SOX5: variants seen among roughly 807,000 people sequenced by gnomAD.
SOX5 encodes the protein SRY-box transcription factor 5.
Under a neutral mutation model 92.0 loss-of-function variants are expected in SOX5, and 9 were observed. The ratio of observed to expected loss-of-function variants is 0.10; its 90% CI spans 0.06 to 0.17. The LOEUF is 0.17. Ranked by LOEUF, SOX5 falls within the 10% of genes least tolerant of loss-of-function variation. SOX5 has a pLI of 1.00. For synonymous variants in SOX5, 344 were observed against 336.3 expected, an observed-to-expected ratio of 1.02 and a Z score of -0.25; for missense variants, 642 against 944.5, an observed-to-expected ratio of 0.68 and a Z score of 4.20.
rs75948834 is a variant in SOX5, at chr12:24,062,389, A to G, written c.-2+150954T>C. Among the ~76,000 whole-genome samples, 160 of 152,348 alleles carry G rather than the reference A, an allele frequency of 1.1e-3. 4 individuals carry two copies. In the East Asian group the frequency reaches 0.029, roughly 28 times the overall value. On this transcript the variant is annotated intron_variant, in intron 4 of 4. Transcript: ENST00000446891. ...TTTGTGTTAGAGAATGCTATGTGAT[A>G]TAAGGACAATGTAGTTGTTTGCCGA...
intron 1 of SOX5, among the ~76,000 whole-genome samples, chr12:24,488,048 C>A (rs1597230413): frequency 1.3e-5 from 2 of 151,934 alleles, no homozygotes; most frequent in South Asian, 2.1e-4. Flanking sequence ...TTCCCTGGAG[C>A]AAAATTAAAA....
intron 6 of SOX5, among the ~76,000 whole-genome samples, chr12:23,668,841 CAT>C (rs2084284771): frequency 6.6e-6 from 1 of 152,282 alleles, no homozygotes; most frequent in South Asian, 2.1e-4. Flanking sequence ...CAAGATACTA[CAT>C]AGTCTCTAAG....
chr12:24,518,621 G>A (rs1029174477), intron 1 of SOX5, among the ~76,000 whole-genome samples: 2 of 152,002 alleles, frequency 1.3e-5, no homozygotes, highest in African/African-American at 4.8e-5. Flanking sequence ...AAAGAAAGTT[G>A]TTATCATAAG....
intron 1 of SOX5, among the ~76,000 whole-genome samples, chr12:24,552,343 A>T (rs1391760431): frequency 6.6e-6 from 1 of 152,200 alleles, no homozygotes; most frequent in Non-Finnish European, 1.5e-5. Flanking sequence ...TAGATCAATG[A>T]ATTTTTTATC....
chr12:24,131,304 A>G (rs2138498627), intron 4 of SOX5, among the ~76,000 whole-genome samples: 1 of 152,292 alleles, frequency 6.6e-6, no homozygotes, highest in South Asian at 2.1e-4. Flanking sequence ...CACCTACAGT[A>G]TTGTGTAAAT....
At chr12:24,432,370 G>A (rs553912263) in intron 1 of SOX5, among the ~76,000 whole-genome samples, 28 of 152,300 alleles carry the variant, frequency 1.8e-4, no homozygotes, top group African/African-American at 5.8e-4. Flanking sequence ...TGACTGTCAC[G>A]TGAAAAGCCC....
chr12:23,972,384 G>A (rs1211643788), intron 4 of SOX5, among the ~76,000 whole-genome samples: 4 of 152,148 alleles, frequency 2.6e-5, no homozygotes, highest in East Asian at 1.9e-4. Flanking sequence ...TTTAGATGGA[G>A]TCTCACTCTG....
chr12:23,953,678 A>G (rs1945934767), upstream of SOX5, among the ~76,000 whole-genome samples: 1 of 152,054 alleles, frequency 6.6e-6, no homozygotes, highest in African/African-American at 2.4e-5. Flanking sequence ...AGTTAAAACA[A>G]AAATAAAAAA....
At chr12:24,108,178 T>C (rs1352302915) in intron 4 of SOX5, among the ~76,000 whole-genome samples, 2 of 152,232 alleles carry the variant, frequency 1.3e-5, no homozygotes, top group Non-Finnish European at 2.9e-5. Flanking sequence ...ACCGTTTCAG[T>C]GATCCAAGCT....
chr12:23,625,731 TC>T (rs2077694678), intron 8 of SOX5, among the ~76,000 whole-genome samples: 2 of 152,172 alleles, frequency 1.3e-5, no homozygotes, highest in Non-Finnish European at 2.9e-5. Flanking sequence ...TGCCTCAGCC[TC>T]CTGAGTAGCT....
chr12:23,751,900 T>C (rs2094191612), intron 4 of SOX5, among the ~76,000 whole-genome samples: 1 of 151,702 alleles, frequency 6.6e-6, no homozygotes, highest in Admixed American at 6.6e-5. Context: ...GTCAGAAGAA[T>C]CCATCAGAGA....
intron 8 of SOX5, among the ~76,000 whole-genome samples, chr12:23,636,166 A>G (rs1391236463): frequency 1.3e-5 from 2 of 152,206 alleles, no homozygotes; most frequent in Non-Finnish European, 2.9e-5. Flanking sequence ...GACAGATTTA[A>G]TATTAAAATA....
chr12:23,692,299 T>C (rs1340093434), intron 6 of SOX5, among the ~76,000 whole-genome samples: 1 of 151,794 alleles, frequency 6.6e-6, no homozygotes, highest in Non-Finnish European at 1.5e-5. Context: ...TAGACAGGCA[T>C]GGCAGCCGGC....
chr12:24,023,821 A>G (rs1954582258), intron 4 of SOX5, among the ~76,000 whole-genome samples: 1 of 151,908 alleles, frequency 6.6e-6, no homozygotes, highest in Admixed American at 6.6e-5. Flanking sequence ...TTCATTATTT[A>G]TTGCATGATT....
chr12:24,349,633 T>C (rs185808368), intron 2 of SOX5, among the ~76,000 whole-genome samples: 1 of 152,338 alleles, frequency 6.6e-6, no homozygotes, highest in East Asian at 1.9e-4. Flanking sequence ...TAAAGCTGAG[T>C]AATATTCTGT....
chr12:24,272,061 A>G (rs1943827819), intron 3 of SOX5, among the ~76,000 whole-genome samples: 1 of 152,198 alleles, frequency 6.6e-6, no homozygotes, highest in South Asian at 2.1e-4. Flanking sequence ...CATGGTACTT[A>G]TAAATCAATA....
At chr12:24,523,747 A>C (rs1402831536) in intron 1 of SOX5, among the ~76,000 whole-genome samples, 1 of 152,180 alleles carries the variant, frequency 6.6e-6, no homozygotes, top group Admixed American at 6.5e-5. Context: ...TCAACTCAAA[A>C]TGGCATGCAA....
chr12:24,412,754 C>T (rs937769398), intron 1 of SOX5, among the ~76,000 whole-genome samples: 2 of 149,456 alleles, frequency 1.3e-5, no homozygotes, highest in African/African-American at 2.5e-5. Flanking sequence ...GTGTGTGCTG[C>T]TGCTGCTGGG....
intron 6 of SOX5, among the ~76,000 whole-genome samples, chr12:23,687,452 C>T (rs188450324): frequency 3.9e-5 from 6 of 152,076 alleles, no homozygotes; most frequent in East Asian, 3.9e-4. Flanking sequence ...AAGCACTTTT[C>T]GGATAAGCTG....
Sources: allele counts gnomAD v4.1 joint callset (sites outside exome capture counted in the v4.1 genomes callset), GRCh38; gene constraint gnomAD v4.1.1; transcripts MANE v1.5; gene names NCBI Gene and HGNC (gene_info 2026-07-23, HGNC 2026-07-21).